KDM2B: variants seen among roughly 807,000 people sequenced by gnomAD.
KDM2B encodes lysine demethylase 2B, also known as lysine-specific demethylase 2B.
KDM2B carries 26 observed loss-of-function variants against 150.0 expected under a neutral mutation model. That is an observed-to-expected ratio of 0.17 (90% CI 0.13 to 0.24). The LOEUF is 0.24. Ranked by LOEUF, KDM2B falls within the 10% of genes least tolerant of loss-of-function variation. The pLI is 1.00. For missense variants in KDM2B, 1,265 were observed against 1,816.9 expected (o/e 0.70, Z 5.52); for synonymous variants, 734 against 729.5 (o/e 1.01, Z -0.10).
chr12:121,575,033 GA>G lies in KDM2B; in HGVS notation c.351-441del, dbSNP rs113757788. Among the ~76,000 whole-genome samples the G allele has an allele frequency of 6.6e-6, 1 of 152,068 alleles. No homozygotes were observed. The highest frequency in any genetic ancestry group is 2.4e-5 in the African/African-American group (1 of 41,414). On this transcript the variant is annotated intron_variant, in intron 3 of 22. Transcript: ENST00000377071. This position sits in a 1 kb window ranked among gnomAD's most constrained non-coding sequence, Gnocchi z 4.4. Reference sequence around the variant, plus strand: ...GGACGGACCCCTTTAAGTTCAGAGGGAAAAAAAGACACGCATTGTACTAGTT... The same window carrying G: ...GGACGGACCCCTTTAAGTTCAGAGGGAAAAAAGACACGCATTGTACTAGTT...
At chr12:121,431,645 G>A (rs1407863372) in intron 22 of KDM2B, among the ~76,000 whole-genome samples, 4 of 152,046 alleles carry the variant, frequency 2.6e-5, no homozygotes, top group Admixed American at 6.6e-5. Flanking sequence ...CACCACATAC[G>A]CCACCAAACT....
At chr12:121,457,197 C>A (rs1256622752) in intron 12 of KDM2B, among the ~76,000 whole-genome samples, 5 of 152,224 alleles carry the variant, frequency 3.3e-5, no homozygotes, top group African/African-American at 1.2e-4. Flanking sequence ...CAGCACACAG[C>A]TTTCTCTGTC....
At chr12:121,580,573 A>C in intron 1 of KDM2B, 1 of 327,642 alleles carries the variant, frequency 3.1e-6, no homozygotes, top group Non-Finnish European at 4.9e-6. Context: ...ATGGCGGGGC[A>C]GGGAGGGAGG....
At chr12:121,418,022 G>A in the KDM2B span, 7 of 1,163,160 alleles carry the variant, frequency 6.0e-6, no homozygotes, top group African/African-American at 1.1e-4. Context: ...TCATGTGCTG[G>A]AGTGAAGCTT....
At position 121,549,795 on chromosome 12, in the gene KDM2B, C is replaced by T. The variant is rs910588590; in HGVS notation, c.398-157G>A. Among the ~76,000 whole-genome samples the T allele has an allele frequency of 2.5e-4, 38 of 152,202 alleles. No homozygotes were observed. Among genetic ancestry groups the T allele is most frequent in the African/African-American group, 9.2e-4 (38 of 41,450 alleles). The stretch of plus-strand genomic sequence containing the variant: ...CAATTACCTCACCCCATCGGCTTTC[C>T]TTCTGGGATCTGTCTCCCACCCACC... On this transcript the variant is annotated intron_variant, in intron 4 of 22. Coordinates refer to ENST00000377071, the MANE Select transcript of KDM2B (RefSeq NM_032590.5). The surrounding 1 kb of genome is among the most constrained non-coding windows in gnomAD (Gnocchi z 4.4).
chr12:121,548,831 TG>T (rs782495587), intron 6 of KDM2B, 45 bp downstream of exon 6: 3 of 1,492,382 alleles, frequency 2.0e-6, no homozygotes, highest in Non-Finnish European at 2.8e-6. Context: ...TCCCCAAGCC[TG>T]GGGGTCAACC....
the KDM2B span, among the ~76,000 whole-genome samples, chr12:121,408,895 A>G: frequency 1.3e-5 from 2 of 152,240 alleles, no homozygotes; most frequent in African/African-American, 4.8e-5. Context: ...ACCAAAGTCC[A>G]GCAAAAGTTA....
intron 13 of KDM2B, among the ~76,000 whole-genome samples, chr12:121,446,325 A>G (rs1307187603): frequency 5.3e-5 from 8 of 152,276 alleles, no homozygotes; most frequent in African/African-American, 7.2e-5. Context: ...GTGAACCCGG[A>G]AGACAGAGGT....
At chr12:121,466,422 C>T (rs1336684729) in intron 12 of KDM2B, among the ~76,000 whole-genome samples, 2 of 152,204 alleles carry the variant, frequency 1.3e-5, no homozygotes, top group African/African-American at 4.8e-5. Flanking sequence ...CTTTGTTTTA[C>T]ACACAGATTT....
intron 4 of KDM2B, among the ~76,000 whole-genome samples, chr12:121,565,682 T>G (rs1207787644): frequency 6.6e-6 from 1 of 152,024 alleles, no homozygotes; most frequent in African/African-American, 2.4e-5. Context: ...TGGAGTGCAG[T>G]GGCGCAATCT....
In KDM2B at chr12:121,442,956, C is replaced by T. The variant is rs1555288982; in HGVS notation, c.2604+36G>A. ...GAGCTGCGGTGCAGCTCTAACCGCT[C>T]AGGCCTGGGGCACAGGAGGGAGGGG... On this transcript the variant is annotated intron_variant, in intron 18 of 22. Coordinates refer to ENST00000377071, the MANE Select transcript of KDM2B (RefSeq NM_032590.5). This position sits in a 1 kb window ranked among gnomAD's most constrained non-coding sequence, Gnocchi z 7.7. 2 of 1,611,498 alleles carry T rather than the reference C, an allele frequency of 1.2e-6. No homozygotes were observed. The highest frequency in any genetic ancestry group is 2.2e-5 in the South Asian group (2 of 90,620).
chr12:121,534,407 G>T, intron 7 of KDM2B, 90 bp downstream of exon 7: 1 of 895,324 alleles, frequency 1.1e-6, no homozygotes, highest in Non-Finnish European at 1.9e-6. Context: ...GGTTGGAGGA[G>T]GGAGGTGGGA....
chr12:121,558,612 C>T (rs1239605793), intron 4 of KDM2B, among the ~76,000 whole-genome samples: 2 of 151,960 alleles, frequency 1.3e-5, no homozygotes, highest in Admixed American at 6.6e-5. Flanking sequence ...TGCCACCATG[C>T]CCCAGCTAAT....
intron 12 of KDM2B, among the ~76,000 whole-genome samples, chr12:121,491,466 G>T (rs1218964520): frequency 3.9e-5 from 6 of 152,020 alleles, no homozygotes; most frequent in African/African-American, 1.4e-4. Flanking sequence ...ACCATTTTGT[G>T]GCTCTGAAGT....
intron 8 of KDM2B, among the ~76,000 whole-genome samples, chr12:121,529,966 C>T (rs1194737057): frequency 4.0e-5 from 6 of 148,478 alleles, no homozygotes; most frequent in Admixed American, 2.0e-4. Context: ...CAGTGGCTCA[C>T]GCCTGTAATC....
At chr12:121,558,460 T>TC (rs1566416484) in intron 4 of KDM2B, among the ~76,000 whole-genome samples, 3 of 150,102 alleles carry the variant, frequency 2.0e-5, no homozygotes, top group South Asian at 2.1e-4. Context: ...TTTTTCTTTT[T>TC]TTTTTTTTTT....
intron 9 of KDM2B, chr12:121,516,539 C>T (rs1157345954): frequency 4.5e-5 from 65 of 1,434,120 alleles, no homozygotes; most frequent in Middle Eastern, 1.8e-4. Context: ...ATTAAACATA[C>T]GGTTGCTCAA....
chr12:121,573,638 G>A lies in KDM2B; in HGVS notation c.397+909C>T, dbSNP rs374922837. 3.9e-3 allele frequency among the ~76,000 whole-genome samples: 584 copies of A among 149,500 alleles called. 1 individual carries two copies. The highest frequency in any genetic ancestry group is 0.011 in the African/African-American group (462 of 40,584). Reference sequence around the variant, plus strand: ...CTCGCTCTGTCGCCCAGGCTGGAGCGCAGTGGCGCCATCTCTGCTCACAGC... The same window carrying A: ...CTCGCTCTGTCGCCCAGGCTGGAGCACAGTGGCGCCATCTCTGCTCACAGC... On this transcript the variant is annotated intron_variant, in intron 4 of 22. Coordinates refer to ENST00000377071, the MANE Select transcript of KDM2B (RefSeq NM_032590.5).
chr12:121,417,038 G>T, the KDM2B span, among the ~76,000 whole-genome samples: 1 of 152,206 alleles, frequency 6.6e-6, no homozygotes, highest in Non-Finnish European at 1.5e-5. The surrounding 1 kb of genome is among the most constrained non-coding windows in gnomAD (Gnocchi z 5.0). Flanking sequence ...ACAGATTACT[G>T]TATTAGTGGG....
Sources: allele counts gnomAD v4.1 joint callset (sites outside exome capture counted in the v4.1 genomes callset), GRCh38; gene constraint gnomAD v4.1.1; non-coding constraint Gnocchi (gnomAD v3.1); transcripts MANE v1.5; gene names NCBI Gene and HGNC (gene_info 2026-07-23, HGNC 2026-07-21).